Variants in RAB17 observed in about 807,000 individuals in gnomAD.
The protein encoded by RAB17 is RAB17, member RAS oncogene family.
RAB17 carries 15 observed loss-of-function variants against 19.3 expected under a neutral mutation model. That is an observed-to-expected ratio of 0.78 (90% confidence interval 0.52 to 1.20). RAB17 has a LOEUF of 1.20. RAB17 is among the 50% of genes most tolerant of loss of function. RAB17 has a pLI of 0.00. For missense variants in RAB17, 262 were observed against 269.3 expected, an observed-to-expected ratio of 0.97 and a Z score of 0.19; for synonymous variants, 110 against 112.8, an observed-to-expected ratio of 0.97 and a Z score of 0.16.
intron 2 of RAB17, chr2:237,579,444 C>T (rs1364169342): frequency 6.6e-6 from 1 of 152,154 alleles, no homozygotes; most frequent in Non-Finnish European, 1.5e-5. Flanking sequence ...TTCCAGGCCT[C>T]CTCCAGCTTC....
At chr2:237,576,668 C>A (rs1447993133) in intron 4 of RAB17, 1 of 471,134 alleles carries the variant, frequency 2.1e-6, no homozygotes, top group Admixed American at 2.3e-5. Context: ...CACTTGTCTG[C>A]AGCTGTTTAC....
At position 237,577,333 on chromosome 2, in the gene RAB17, A is replaced by C; in HGVS notation, c.359T>G (p.Leu120Arg). ...CATCACCAGGACTTCTCCTGGGTGC[A>C]GCTCCTCCTCCAGGTCCTTCAGCCA... ...QQWLKDLEEE[L>R]HPGEVLVMLV... is the part of the protein sequence containing the mutation. The change falls in exon 4 of 6, where the codon CTG becomes CGG. Residue 120 changes from leucine (L) to arginine (R), a missense_variant. Transcript: ENST00000264601. The C allele has an allele frequency of 6.2e-7, 1 of 1,613,904 alleles. No homozygotes were observed. The highest frequency in any genetic ancestry group is 8.5e-7 in the Non-Finnish European group (1 of 1,179,852).
intron 2 of RAB17, among the ~76,000 whole-genome samples, chr2:237,582,301 A>G (rs2081315066): frequency 6.6e-6 from 1 of 152,170 alleles, no homozygotes; most frequent in Non-Finnish European, 1.5e-5. Context: ...CTGTCGACTG[A>G]ACCAGACCCT....
In RAB17 at chr2:237,586,032, C is replaced by A; in HGVS notation, c.123G>T (p.Lys41Asn). 1 of 1,612,864 alleles carries A rather than the reference C, an allele frequency of 6.2e-7. No homozygotes were observed. The highest frequency in any genetic ancestry group is 8.5e-7 in the Non-Finnish European group (1 of 1,179,468). Residue 41 changes from lysine to asparagine, a missense_variant, in exon 2 of 6, where the codon AAG (lysine) becomes AAT (asparagine). Transcript: ENST00000264601. The stretch of plus-strand genomic sequence containing the variant: ...TAGGCAGGATACTCTTGAAGTCGTT[C>A]TTCACGTACCGAAGAGCCAAGCTGG... ...GKSSLALRYV[K>N]NDFKSILPTV...
intron 3 of RAB17, 152 bp downstream of exon 3, chr2:237,577,852 G>C (rs1163904487): frequency 1.2e-6 from 1 of 823,442 alleles, no homozygotes; most frequent in African/African-American, 1.7e-5. Flanking sequence ...GGAGGATGGG[G>C]GGTTGTCAGG....
At position 237,586,135 on chromosome 2, in the gene RAB17, G is replaced by A. The variant is rs763014210; in HGVS notation, c.20C>T (p.Thr7Ile). Residue 7 changes from threonine to isoleucine, a missense_variant, in exon 2 of 6, where the codon ACC becomes ATC. Physicochemically the swap from Thr to Ile is moderately conservative, Grantham distance 89 (BLOSUM62 -1). Transcript: ENST00000264601. The part of the protein sequence containing the change: MAQAHR[T>I]PQPRAAPSQP... ...GCTGGGGGCAGCCCTGGGCTGGGGG[G>A]TCCTGTGTGCCTGTGCCATGCCCTG... 6.2e-6 allele frequency: 10 copies of A among 1,604,420 alleles called. No homozygotes were observed. Among genetic ancestry groups the A allele is most frequent in the African/African-American group, 2.7e-5 (2 of 74,150 alleles).
In RAB17 at chr2:237,575,080, C is replaced by T; in HGVS notation, c.578G>A (p.Gly193Glu). 6.2e-7 allele frequency: 1 copy of T among 1,613,828 alleles called. No homozygotes were observed. The highest frequency in any genetic ancestry group is 8.5e-7 in the Non-Finnish European group (1 of 1,179,926). The change falls in exon 6 of 6, where the codon GGG (glycine) becomes GAG (glutamate). Residue 193 changes from glycine (G) to glutamate (E), a missense_variant. Transcript: ENST00000264601. Reference protein sequence around the residue: ...RSDEEGQALRGDAAVALNKGP... With the variant: ...RSDEEGQALREDAAVALNKGP... ...CTTGTTCAGAGCCACAGCTGCATCC[C>T]CCCGTAGAGCCTGGCCCTCCTCGTC...
In RAB17 at chr2:237,575,048, C is replaced by T. The variant is rs755087792; in HGVS notation, c.610G>A (p.Ala204Thr). The change falls in exon 6 of 6, where the codon GCG (alanine) becomes ACG (threonine). Residue 204 changes from alanine to threonine, a missense_variant. By Grantham distance (58) the Ala-to-Thr change is moderately conservative. Coordinates refer to ENST00000264601, the MANE Select transcript of RAB17 (RefSeq NM_022449.4). ...TGGGCGCAGCATTTGGCCTGCCTCG[C>T]GGGCCCCTTGTTCAGAGCCACAGCT... ...DAAVALNKGP[A>T]RQAKCCAH 12 of 1,613,234 alleles carry T rather than the reference C, an allele frequency of 7.4e-6. No individual in the cohort carries two copies. Among genetic ancestry groups the T allele is most frequent in the African/African-American group, 1.3e-5 (1 of 74,908 alleles).
chr2:237,575,015 G>A lies in RAB17; in HGVS notation c.*4C>T. ...TTCCCCACAGCCCCCAGGAGTGGCT[G>A]CACCTAGTGGGCGCAGCATTTGGCC... On this transcript the variant is annotated 3_prime_UTR_variant, in exon 6 of 6. Transcript: ENST00000264601. 1 of 1,604,364 alleles carries A rather than the reference G, an allele frequency of 6.2e-7. No homozygotes were observed. The highest frequency in any genetic ancestry group is 8.5e-7 in the Non-Finnish European group (1 of 1,174,184).
At chr2:237,585,351 G>A (rs985140332) in intron 2 of RAB17, 6 of 168,856 alleles carry the variant, frequency 3.6e-5, no homozygotes, top group Non-Finnish European at 8.8e-5. Context: ...TGAAAACTGG[G>A]TTTCACTGCC....
chr2:237,577,858 T>A (rs1463190516), intron 3 of RAB17, 146 bp downstream of exon 3: 1 of 905,914 alleles, frequency 1.1e-6, no homozygotes, highest in Non-Finnish European at 1.7e-6. Flanking sequence ...TGGGGGGTTG[T>A]CAGGAGGCCA....
intron 2 of RAB17, 85 bp downstream of exon 2, chr2:237,585,913 C>T (rs2081346155): frequency 2.8e-6 from 4 of 1,414,286 alleles, no homozygotes; most frequent in Admixed American, 2.3e-5. Flanking sequence ...CTAGGTGGGC[C>T]TCGTCCCCAT....
Position 237,586,093 on chromosome 2 carries a change from T to G in RAB17, c.62A>C (p.Lys21Thr), listed in dbSNP as rs1254359334. 4 of 1,613,406 alleles carry G rather than the reference T, an allele frequency of 2.5e-6. No individual in the cohort carries two copies. The East Asian group carries it at 6.7e-5, about 27-fold the overall frequency. Residue 21 changes from lysine to threonine, a missense_variant, in exon 2 of 6, where the codon AAG becomes ACG. Physicochemically the swap from Lys to Thr is moderately conservative, Grantham distance 78. Coordinates refer to ENST00000264601, the MANE Select transcript of RAB17 (RefSeq NM_022449.4). ...RAAPSQPRVF[K>T]LVLLGSGSVG... ...GGAGCCACTTCCCAGGAGAACCAGC[T>G]TGAACACACGGGGCTGGCTGGGGGC...
At chr2:237,583,969 C>A (rs1343162907) in intron 2 of RAB17, among the ~76,000 whole-genome samples, 4 of 151,208 alleles carry the variant, frequency 2.6e-5, no homozygotes, top group East Asian at 3.9e-4. Context: ...CCCAGCAAGC[C>A]CAGCTTTGTT....
At chr2:237,584,673 C>G (rs1459087680) in intron 2 of RAB17, among the ~76,000 whole-genome samples, 1 of 152,194 alleles carries the variant, frequency 6.6e-6, no homozygotes, top group East Asian at 1.9e-4. Context: ...CCTGCTGCCT[C>G]TCTCTGCATC....
At chr2:237,581,365 C>T (rs559540124) in intron 2 of RAB17, among the ~76,000 whole-genome samples, 72 of 145,012 alleles carry the variant, frequency 5.0e-4, no homozygotes, top group Middle Eastern at 3.5e-3. Context: ...CAGAATGAGA[C>T]GCCATCTTAA....
chr2:237,585,813 CTT>C, intron 2 of RAB17, among the ~76,000 whole-genome samples, 183 bp downstream of exon 2: 1 of 152,326 alleles, frequency 6.6e-6, no homozygotes, highest in East Asian at 1.9e-4. Flanking sequence ...CATTTCCTGT[CTT>C]TGTAGATTCT....
At chr2:237,590,101 G>T (rs538059930) in intron 1 of RAB17, among the ~76,000 whole-genome samples, 1 of 151,876 alleles carries the variant, frequency 6.6e-6, no homozygotes, top group Non-Finnish European at 1.5e-5. Context: ...ATTAAATTGG[G>T]AATGTTGATG....
chr2:237,588,868 C>T lies in RAB17; in HGVS notation c.-4+1599G>A, dbSNP rs557107764. Among the ~76,000 whole-genome samples, 5 of 152,330 alleles carry T rather than the reference C, an allele frequency of 3.3e-5. No homozygotes were observed. In the South Asian group the frequency reaches 8.3e-4, roughly 25 times the overall value. ...TGGACTCTGAAGGAATGCACCATGA[C>T]CACTGGGATGCCGGCGTCTCATTCC... On this transcript the variant is annotated intron_variant, in intron 1 of 5. Coordinates refer to ENST00000264601, the MANE Select transcript of RAB17 (RefSeq NM_022449.4).
Sources: allele counts gnomAD v4.1 joint callset (sites outside exome capture counted in the v4.1 genomes callset), GRCh38; gene constraint gnomAD v4.1.1; transcripts MANE v1.5; gene names NCBI Gene and HGNC (gene_info 2026-07-23, HGNC 2026-07-21).